Variants in PSME4 observed in about 807,000 individuals in gnomAD.
PSME4 encodes proteasome activator subunit 4, also known as proteasome activator complex subunit 4.
A neutral mutation model predicts 253.9 loss-of-function variants in PSME4; 89 were observed. The ratio of observed to expected loss-of-function variants is 0.35; its 90% CI spans 0.30 to 0.42. PSME4 has a LOEUF of 0.42. Among genes scored for constraint, PSME4 ranks in the 10% least tolerant of loss-of-function variants. The probability of loss-of-function intolerance (pLI) is 1.00; values close to 1 mark genes in which losing one functional copy is unlikely to be tolerated. For missense variants in PSME4, 2,014 were observed against 2,195.2 expected (o/e 0.92, Z 1.65); for synonymous variants, 851 against 759.2 (o/e 1.12, Z -1.99).
chr2:53,937,059 T>C (rs530107404), intron 5 of PSME4, among the ~76,000 whole-genome samples: 15 of 152,334 alleles, frequency 9.8e-5, no homozygotes, highest in African/African-American at 3.6e-4. Context: ...GCTTCATTAC[T>C]AAGTACTGTC....
rs200671072 is a variant in PSME4, at chr2:53,932,709, T to C, written c.1009A>G (p.Ile337Val). ...TTTGAAGGATGGTAAAAAGATGTGA[T>C]GCTGTTAAACAAACCAGCTAAGTGT... Reference protein sequence around the residue: ...QKHLAGLFNSITSFYHPSNNG... With the variant: ...QKHLAGLFNSVTSFYHPSNNG... The change falls in exon 9 of 47, where the codon ATC (isoleucine) becomes GTC (valine). Residue 337 changes from isoleucine to valine, a missense_variant. Ile to Val is a conservative substitution (Grantham distance 29, BLOSUM62 3). This residue lies in a region of PSME4 where 615 missense variants were observed against 594.4 expected (regional missense o/e 1.03). Coordinates refer to ENST00000404125, the MANE Select transcript of PSME4 (RefSeq NM_014614.3). 7 of 1,614,076 alleles carry C rather than the reference T, an allele frequency of 4.3e-6. No homozygotes were observed. The highest frequency in any genetic ancestry group is 1.3e-5 in the African/African-American group (1 of 75,064).
At chr2:53,869,299 T>G (rs1051486572) in intron 44 of PSME4, 77 bp downstream of exon 44, 3 of 1,358,664 alleles carry the variant, frequency 2.2e-6, no homozygotes, top group Non-Finnish European at 2.0e-6. Flanking sequence ...TACAAGTTAT[T>G]CAATAAATAT....
intron 37 of PSME4, among the ~76,000 whole-genome samples, chr2:53,889,568 G>T (rs1050511385): frequency 6.6e-6 from 1 of 152,136 alleles, no homozygotes. Flanking sequence ...TACAGGAGAA[G>T]AAAATCAAAC....
intron 1 of PSME4, among the ~76,000 whole-genome samples, chr2:53,963,135 G>A (rs1453265097): frequency 6.6e-6 from 1 of 152,080 alleles, no homozygotes; most frequent in Non-Finnish European, 1.5e-5. Context: ...AGGCCAGCCT[G>A]AGCAACATAG....
intron 2 of PSME4, 124 bp from the exon 3 acceptor site, chr2:53,948,661 C>T: frequency 1.5e-6 from 1 of 669,768 alleles, no homozygotes; most frequent in Non-Finnish European, 2.6e-6. Flanking sequence ...CTTTCCCCAT[C>T]CATGGCCACT....
chr2:53,967,638 T>G (rs1573394061), intron 1 of PSME4, among the ~76,000 whole-genome samples: 1 of 92,700 alleles, frequency 1.1e-5, no homozygotes. Context: ...GGCAACAGAG[T>G]GAGATTGTCT....
chr2:53,880,382 C>T (rs1002454103), intron 41 of PSME4, among the ~76,000 whole-genome samples: 37 of 152,102 alleles, frequency 2.4e-4, no homozygotes, highest in African/African-American at 8.4e-4. Flanking sequence ...ATTGCTTGAG[C>T]CCAGGAGTTT....
chr2:53,936,561 A>C (rs1296941410), intron 6 of PSME4, among the ~76,000 whole-genome samples: 1 of 151,678 alleles, frequency 6.6e-6, no homozygotes, highest in Non-Finnish European at 1.5e-5. Flanking sequence ...AAACCAAAAT[A>C]AATGCATACT....
Position 53,887,935 on chromosome 2 carries a change from T to C in PSME4, c.4443A>G (p.Glu1481=), listed in dbSNP as rs1679716151. 1 of 1,609,928 alleles carries C rather than the reference T, an allele frequency of 6.2e-7. No individual in the cohort carries two copies. The highest frequency in any genetic ancestry group is 2.2e-5 in the East Asian group (1 of 44,834). ...AGTACTTCAGTAGTCTGTGCAATAG[T>C]TCAGGCACTCTCCATTCTTGCTGGG... ...GLAQQEWRVP[E]LLHRLLKYLE... The change falls in exon 39 of 47, where the codon GAA becomes GAG. Residue 1481 remains glutamate, a synonymous_variant. Transcript: ENST00000404125.
At chr2:53,930,114 A>G (rs1288600096) in intron 10 of PSME4, among the ~76,000 whole-genome samples, 4 of 152,110 alleles carry the variant, frequency 2.6e-5, no homozygotes, top group African/African-American at 7.2e-5. Context: ...GAAAGTCTCA[A>G]AAAATGTCAT....
chr2:53,889,264 T>C (rs548422704), intron 37 of PSME4, among the ~76,000 whole-genome samples: 8 of 152,332 alleles, frequency 5.3e-5, no homozygotes, highest in African/African-American at 1.9e-4. Context: ...GATACCAAAA[T>C]CCACAGATGT....
chr2:53,877,218 A>G (rs1320429864), intron 41 of PSME4, among the ~76,000 whole-genome samples: 2 of 145,676 alleles, frequency 1.4e-5, no homozygotes, highest in Non-Finnish European at 3.0e-5. Flanking sequence ...TGAGGCTGGC[A>G]TGGATAACAG....
chr2:53,915,319 T>C (rs1000730380), intron 20 of PSME4, among the ~76,000 whole-genome samples: 3 of 152,124 alleles, frequency 2.0e-5, no homozygotes, highest in Non-Finnish European at 4.4e-5. Flanking sequence ...CCCACGCCTA[T>C]AGTCCCAGCT....
Position 53,904,145 on chromosome 2 carries a change from C to T in PSME4, c.2955G>A (p.Lys985=). Residue 985 remains lysine (K), a synonymous_variant, in exon 27 of 47, where the codon AAG becomes AAA. Transcript: ENST00000404125. The stretch of plus-strand genomic sequence containing the variant: ...AGGCAGCAAAAAATGTTTGCTGAGC[C>T]TTATTTCTCACCTGGAGGAAGTATT... The part of the protein sequence containing the change: ...STSSYSQVRN[K]AQQTFFAALG... The T allele has an allele frequency of 1.9e-6, 3 of 1,610,822 alleles. No individual in the cohort carries two copies. In the South Asian group the frequency reaches 3.3e-5, roughly 18 times the overall value.
chr2:53,894,613 G>C (rs999876147), intron 34 of PSME4, among the ~76,000 whole-genome samples: 3 of 152,160 alleles, frequency 2.0e-5, no homozygotes, highest in Non-Finnish European at 2.9e-5. Flanking sequence ...GAAGTTTAAG[G>C]AGTTTTAACT....
Position 53,948,467 on chromosome 2 carries a change from T to A in PSME4, c.454A>T (p.Ile152Leu). The A allele has an allele frequency of 6.2e-7, 1 of 1,613,660 alleles. No homozygotes were observed. The highest frequency in any genetic ancestry group is 1.1e-5 in the South Asian group (1 of 91,066). ...WRPLYDMVER[I>L]LYSKTEHLGL... ...AGGTGCTCTGTCTTGGAATATAATA[T>A]TCTTTCTACCATGTCATAAAGTGGT... Residue 152 changes from isoleucine (I) to leucine (L), a missense_variant, in exon 3 of 47, where the codon ATA becomes TTA. Around this residue, in one of 4 missense-constraint regions of PSME4, gnomAD observed 615 missense variants for 594.4 expected, o/e 1.03. Coordinates refer to ENST00000404125, the MANE Select transcript of PSME4 (RefSeq NM_014614.3).
chr2:53,908,936 T>A lies in PSME4; in HGVS notation c.2573-96A>T. ...CAGGTTAGGTCAAGGAGGGATAAAGTATTGGAGAAAAAAATAGGTCTGCCT... is the reference window on the plus strand; with the variant it reads ...CAGGTTAGGTCAAGGAGGGATAAAGAATTGGAGAAAAAAATAGGTCTGCCT... On this transcript the variant is annotated intron_variant, in intron 21 of 46. Coordinates refer to ENST00000404125, the MANE Select transcript of PSME4 (RefSeq NM_014614.3). 5.5e-6 allele frequency: 5 copies of A among 905,250 alleles called. No homozygotes were observed. The South Asian group carries it at 6.8e-5, about 12-fold the overall frequency. The allele number at this position is 905,250 out of a possible 1,614,324, so 56.1% of individuals were successfully genotyped here.
rs145180444 is a variant in PSME4 at position 53,936,229 on chromosome 2, C to T, written c.760-68G>A. 81 of 1,587,414 alleles carry T rather than the reference C, an allele frequency of 5.1e-5. No individual in the cohort carries two copies. The African/African-American group carries it at 8.0e-4, about 16-fold the overall frequency. On this transcript the variant is annotated intron_variant, in intron 6 of 46. Coordinates refer to ENST00000404125, the MANE Select transcript of PSME4 (RefSeq NM_014614.3). ...ATTGTTTAAGTGTCATAGTCACACC[C>T]CTCCTCCATTTGTTCTTTTTGGCAA... is the stretch of plus-strand genomic sequence containing the variant.
chr2:53,904,195 A>G (rs1471036039), intron 26 of PSME4, 39 bp from the exon 27 acceptor site: 2 of 1,563,790 alleles, frequency 1.3e-6, no homozygotes, highest in African/African-American at 1.4e-5. Flanking sequence ...TTTATTAAAT[A>G]GTAAAGTACA....
Sources: gnomAD v4.1 joint callset for allele counts (sites outside exome capture counted in the v4.1 genomes callset) on GRCh38, gnomAD v4.1.1 for gene constraint, gnomAD v4.1.1 regional missense constraint, MANE v1.5 for transcripts, NCBI Gene and HGNC (gene_info 2026-07-23, HGNC 2026-07-21) for gene names.